BORCS5: variants seen among roughly 807,000 people sequenced by gnomAD.
BORCS5 encodes the protein BLOC-1 related complex subunit 5.
In BORCS5, 17 loss-of-function variants were observed where a neutral mutation model predicts 22.1. The observed-to-expected ratio is 0.77, with a 90% CI of 0.53 to 1.15. BORCS5 has a LOEUF of 1.15. BORCS5 is among the 50% of genes most tolerant of loss of function. The pLI is 0.00. For synonymous variants in BORCS5, 117 were observed against 99.8 expected (o/e 1.17, Z -1.03); for missense variants, 247 against 253.2 (o/e 0.98, Z 0.17).
intron 3 of BORCS5, among the ~76,000 whole-genome samples, chr12:12,459,993 T>C (rs573211675): frequency 6.6e-6 from 1 of 152,316 alleles, no homozygotes; most frequent in Admixed American, 6.5e-5. Flanking sequence ...CTTTGTTCTT[T>C]CAATTATTTT....
chr12:12,383,690 A>G (rs1289673186), intron 2 of BORCS5, among the ~76,000 whole-genome samples: 2 of 147,800 alleles, frequency 1.4e-5, no homozygotes, highest in African/African-American at 5.0e-5. Flanking sequence ...ATGCCATTCT[A>G]CTCTCTTCTA....
intron 2 of BORCS5, among the ~76,000 whole-genome samples, chr12:12,427,172 C>CTTTTTTTTTTTTT: frequency 1.2e-5 from 1 of 84,488 alleles, no homozygotes; most frequent in African/African-American, 5.2e-5. Flanking sequence ...TCTTTCTTTT[C>CTTTTTTTTTTTTT]TTTTTTTTTT....
intron 2 of BORCS5, among the ~76,000 whole-genome samples, chr12:12,405,617 C>T (rs1473460412): frequency 1.3e-5 from 2 of 152,060 alleles, no homozygotes. Context: ...TGAGAGAGTG[C>T]CATCATTAAT....
intron 3 of BORCS5, among the ~76,000 whole-genome samples, chr12:12,439,632 TAAAC>T (rs748034332): frequency 4.6e-5 from 7 of 152,136 alleles, no homozygotes; most frequent in East Asian, 1.9e-4. Context: ...AAAAATAAAA[TAAAC>T]AGTTTAAAAT....
intron 3 of BORCS5, among the ~76,000 whole-genome samples, chr12:12,451,595 T>C (rs1204041104): frequency 6.6e-6 from 1 of 151,926 alleles, no homozygotes; most frequent in East Asian, 1.9e-4. Context: ...AAAAGCAACA[T>C]TGAACTGGCT....
intron 2 of BORCS5, among the ~76,000 whole-genome samples, chr12:12,365,480 C>T (rs551310256): frequency 2.6e-5 from 4 of 152,024 alleles, no homozygotes; most frequent in African/African-American, 4.8e-5. Flanking sequence ...ATGCCCGGCC[C>T]GAGTTTCAAA....
chr12:12,451,184 A>T (rs1176246765), intron 3 of BORCS5, among the ~76,000 whole-genome samples: 1 of 151,006 alleles, frequency 6.6e-6, no homozygotes, highest in Non-Finnish European at 1.5e-5. Context: ...TTTTTTTAAC[A>T]GTGATAAAAT....
At chr12:12,395,192 G>C (rs1165568257) in intron 2 of BORCS5, among the ~76,000 whole-genome samples, 1 of 151,860 alleles carries the variant, frequency 6.6e-6, no homozygotes, top group African/African-American at 2.4e-5. Flanking sequence ...TGAGGAGATG[G>C]GGTGGTGGCA....
At chr12:12,465,483 C>A (rs1943183434) in intron 3 of BORCS5, 63 bp from the exon 4 acceptor site, 3 of 1,432,420 alleles carry the variant, frequency 2.1e-6, no homozygotes, top group Non-Finnish European at 2.9e-6. Context: ...AGGCTGGACA[C>A]CCGGCCCTGC....
In BORCS5 at chr12:12,465,656, C is replaced by T. The variant is rs1943187767; in HGVS notation, c.471C>T (p.Arg157=). 3.1e-6 allele frequency: 5 copies of T among 1,614,160 alleles called. No homozygotes were observed. The highest frequency in any genetic ancestry group is 1.3e-5 in the African/African-American group (1 of 74,954). The stretch of plus-strand genomic sequence containing the variant: ...TGAACGAGATGTCCGCCATCCTCCG[C>T]CGCATACAGATGGGCATCGACCAGA... ...QKVNEMSAIL[R]RIQMGIDQTV... is the part of the protein sequence containing the mutation. The change falls in exon 4 of 4, where the codon CGC becomes CGT. Residue 157 remains arginine, a synonymous_variant. Transcript: ENST00000314565.
Position 12,357,103 on chromosome 12 carries a change from T to C in BORCS5, c.-349T>C. ...ATCTGCGTCCCGGAAGGAGCGAGCT[T>C]GCGGAGCGTGAACCAGTGAGTGAAA... On this transcript the variant is annotated 5_prime_UTR_variant, in exon 1 of 4. Transcript: ENST00000314565. 1.3e-6 allele frequency: 2 copies of C among 1,534,504 alleles called. No homozygotes were observed. The highest frequency in any genetic ancestry group is 1.7e-6 in the Non-Finnish European group (2 of 1,146,066).
intron 3 of BORCS5, among the ~76,000 whole-genome samples, chr12:12,442,372 CA>C (rs1477714959): frequency 4.6e-5 from 7 of 152,194 alleles, no homozygotes; most frequent in Non-Finnish European, 8.8e-5. Flanking sequence ...GATAAAGCCA[CA>C]AGCTTTATTT....
chr12:12,419,393 C>T (rs1339409737), intron 2 of BORCS5, among the ~76,000 whole-genome samples: 4 of 152,166 alleles, frequency 2.6e-5, no homozygotes, highest in Non-Finnish European at 4.4e-5. Context: ...TTTATGGCTG[C>T]ATAGTATTCC....
Position 12,449,734 on chromosome 12 carries a change from G to A in BORCS5, c.360+13949G>A, listed in dbSNP as rs192421311. On this transcript the variant is annotated intron_variant, in intron 3 of 3. Coordinates refer to ENST00000314565, the MANE Select transcript of BORCS5 (RefSeq NM_058169.6). The stretch of plus-strand genomic sequence containing the variant: ...TCAAAATGTCCAGTATGTGGAAATC[G>A]ATGCCGTTCAGCCTGTGGTGTAATT... 1.1e-4 allele frequency among the ~76,000 whole-genome samples: 16 copies of A among 152,316 alleles called. 1 individual carries two copies. The highest frequency in any genetic ancestry group is 3.8e-4 in the African/African-American group (16 of 41,570).
chr12:12,403,824 A>G (rs1232855034), intron 2 of BORCS5, among the ~76,000 whole-genome samples: 4 of 152,134 alleles, frequency 2.6e-5, no homozygotes, highest in Admixed American at 2.0e-4. Context: ...TGGACTTGCT[A>G]GATTATATGA....
chr12:12,463,202 C>T (rs991992430), intron 3 of BORCS5, among the ~76,000 whole-genome samples: 1 of 152,050 alleles, frequency 6.6e-6, no homozygotes, highest in Non-Finnish European at 1.5e-5. Context: ...TCTGGGGGTT[C>T]GTGGAGTAAA....
intron 1 of BORCS5, among the ~76,000 whole-genome samples, chr12:12,358,471 T>C (rs1257604872): frequency 1.3e-5 from 2 of 152,226 alleles, no homozygotes; most frequent in African/African-American, 4.8e-5. Context: ...GCTACGTTTT[T>C]CTATTTCCTT....
intron 1 of BORCS5, among the ~76,000 whole-genome samples, chr12:12,359,518 C>A: frequency 2.6e-5 from 4 of 152,078 alleles, no homozygotes; most frequent in African/African-American, 9.6e-5. Context: ...CATGCCACCA[C>A]GCCTGGATAA....
Position 12,357,111 on chromosome 12 carries a change from G to A in BORCS5, c.-341G>A. On this transcript the variant is annotated 5_prime_UTR_variant, in exon 1 of 4. In the 5' UTR this introduces an upstream ATG that the reference lacks. Transcript: ENST00000314565. ...CCCGGAAGGAGCGAGCTTGCGGAGC[G>A]TGAACCAGTGAGTGAAAGCGGCGCC... is the stretch of plus-strand genomic sequence containing the variant. The A allele has an allele frequency of 6.5e-7, 1 of 1,534,562 alleles. No homozygotes were observed. The highest frequency in any genetic ancestry group is 8.7e-7 in the Non-Finnish European group (1 of 1,146,142).
Sources: allele counts gnomAD v4.1 joint callset (sites outside exome capture counted in the v4.1 genomes callset), GRCh38; gene constraint gnomAD v4.1.1; transcripts MANE v1.5; gene names NCBI Gene and HGNC (gene_info 2026-07-23, HGNC 2026-07-21).